Variants in WIPF1 observed in about 807,000 individuals in gnomAD.
WIPF1 encodes the protein WAS/WASL-interacting protein family member 1.
In WIPF1, 13 loss-of-function variants were observed where a neutral mutation model predicts 35.4. The observed-to-expected ratio is 0.37, with a 90% CI of 0.24 to 0.58. The LOEUF is 0.58. Among genes scored for constraint, WIPF1 ranks in the 20% least tolerant of loss-of-function variants. The pLI, the probability that WIPF1 is intolerant of heterozygous loss-of-function variation, is 0.74. For missense variants in WIPF1, 591 were observed against 667.0 expected, an observed-to-expected ratio of 0.89 and a Z score of 1.25; for synonymous variants, 267 against 266.3, an observed-to-expected ratio of 1.00 and a Z score of -0.02.
chr2:174,637,094 G>A (rs551826726), intron 1 of WIPF1, among the ~76,000 whole-genome samples: 164 of 152,228 alleles, frequency 1.1e-3, no homozygotes, highest in African/African-American at 3.7e-3. Flanking sequence ...ATTTATACCA[G>A]TATGGCTGAA....
chr2:174,582,658 A>G (rs1272377366), intron 2 of WIPF1, among the ~76,000 whole-genome samples: 1 of 152,180 alleles, frequency 6.6e-6, no homozygotes, highest in Non-Finnish European at 1.5e-5. Context: ...CTTGGGCTCA[A>G]GTGATCCTCC....
rs140082102 is a variant in WIPF1, at chr2:174,571,626, A to C, written c.1129+50T>G. On this transcript the variant is annotated intron_variant, in intron 5 of 7. Coordinates refer to ENST00000679041, the MANE Select transcript of WIPF1 (RefSeq NM_001375834.1). This position sits in a 1 kb window ranked among gnomAD's most constrained non-coding sequence, Gnocchi z 4.6. ...TCTTGACTGACAGGATTATTGGTAC[A>C]TTTGGGCAGGCTGGGTTTTGGAAGC... is the stretch of plus-strand genomic sequence containing the variant. 2 of 1,612,388 alleles carry C rather than the reference A, an allele frequency of 1.2e-6. No homozygotes were observed. The highest frequency in any genetic ancestry group is 2.7e-5 in the African/African-American group (2 of 74,980).
intron 1 of WIPF1, among the ~76,000 whole-genome samples, chr2:174,652,843 A>G (rs1687563401): frequency 6.6e-6 from 1 of 151,786 alleles, no homozygotes; most frequent in East Asian, 1.9e-4. Context: ...CTGGCCTTTG[A>G]ACCATAGCTT....
intron 1 of WIPF1, among the ~76,000 whole-genome samples, chr2:174,615,835 C>G (rs1427467387): frequency 6.6e-6 from 1 of 152,128 alleles, no homozygotes; most frequent in Non-Finnish European, 1.5e-5. Flanking sequence ...AACAGGGGAG[C>G]CAATGCTTGG....
intron 1 of WIPF1, among the ~76,000 whole-genome samples, chr2:174,650,219 T>C (rs943098942): frequency 1.3e-5 from 2 of 152,136 alleles, no homozygotes; most frequent in Non-Finnish European, 2.9e-5. Context: ...CTAGAAATCC[T>C]CCTCTACATG....
intron 3 of WIPF1, among the ~76,000 whole-genome samples, chr2:174,575,638 A>G (rs1275902213): frequency 6.6e-6 from 1 of 152,226 alleles, no homozygotes; most frequent in South Asian, 2.1e-4. Flanking sequence ...TGGCTGCCAC[A>G]TGGGTCAGTA....
intron 1 of WIPF1, among the ~76,000 whole-genome samples, chr2:174,613,345 A>AATTTT (rs1686409663): frequency 6.6e-6 from 1 of 152,172 alleles, no homozygotes; most frequent in Non-Finnish European, 1.5e-5. Context: ...TCTAGTTTAG[A>AATTTT]ATTTTTTTAT....
At chr2:174,607,189 G>A (rs1422068935) in intron 1 of WIPF1, among the ~76,000 whole-genome samples, 1 of 152,094 alleles carries the variant, frequency 6.6e-6, no homozygotes. Context: ...GGATCACGAG[G>A]GCAGGAGATC....
At chr2:174,614,296 C>T (rs1009623687) in intron 1 of WIPF1, among the ~76,000 whole-genome samples, 1 of 152,182 alleles carries the variant, frequency 6.6e-6, no homozygotes, top group African/African-American at 2.4e-5. Flanking sequence ...GAACAGGACT[C>T]CTCTTCATTT....
chr2:174,668,325 C>T (rs1398561242), intron 1 of WIPF1, among the ~76,000 whole-genome samples: 3 of 152,152 alleles, frequency 2.0e-5, no homozygotes, highest in East Asian at 1.9e-4. Context: ...TCTTTACCTG[C>T]GAAACGCAAG....
At chr2:174,610,573 C>G (rs981093985) in intron 1 of WIPF1, among the ~76,000 whole-genome samples, 7 of 152,242 alleles carry the variant, frequency 4.6e-5, no homozygotes, top group Admixed American at 6.5e-5. Flanking sequence ...AATGGTCTCT[C>G]CCTGCCTCAC....
At chr2:174,677,820 G>A (rs1311194585) in intron 1 of WIPF1, among the ~76,000 whole-genome samples, 1 of 152,180 alleles carries the variant, frequency 6.6e-6, no homozygotes, top group African/African-American at 2.4e-5. Flanking sequence ...AAAGGAAAGT[G>A]CAGTTTAGCT....
Position 174,575,397 on chromosome 2 carries a change from ACCCGACAGACTATG to A in WIPF1, c.182-31_182-18del, listed in dbSNP as rs764892694. On this transcript the variant is annotated intron_variant, in intron 3 of 7. Transcript: ENST00000679041. ...CTTTAGGTTCTGTAGAAGAAGAGAC[ACCCGACAGACTATG>A]CCCCCTGGTCTGGCCCAGGTAAACC... The A allele has an allele frequency of 1.9e-6, 3 of 1,593,568 alleles. No individual in the cohort carries two copies. In the African/African-American group the frequency reaches 4.0e-5, roughly 21 times the overall value.
Position 174,571,869 on chromosome 2 carries a change from A to T in WIPF1, c.936T>A (p.Pro312=), listed in dbSNP as rs1040586347. Residue 312 remains proline, a synonymous_variant, in exon 5 of 8, where the codon CCT becomes CCA. Coordinates refer to ENST00000679041, the MANE Select transcript of WIPF1 (RefSeq NM_001375834.1). The surrounding 1 kb of genome is among the most constrained non-coding windows in gnomAD (Gnocchi z 4.6). ...GAGGAGGCGGCCCGGGCCTGCTGGG[A>T]GGTGGCGGCGGAGGTGGGGCCTGTG... ...ASSQAPPPPP[P]PSRPGPPPLP... 11 of 1,611,568 alleles carry T rather than the reference A, an allele frequency of 6.8e-6. No individual in the cohort carries two copies. The highest frequency in any genetic ancestry group is 3.3e-5 in the Admixed American group (2 of 59,830).
At position 174,572,342 on chromosome 2, in the gene WIPF1, G is replaced by A; in HGVS notation, c.463C>T (p.Pro155Ser). 1 of 1,614,156 alleles carries A rather than the reference G, an allele frequency of 6.2e-7. No homozygotes were observed. Among genetic ancestry groups the A allele is most frequent in the Non-Finnish European group, 8.5e-7 (1 of 1,180,018 alleles). The change falls in exon 5 of 8, where the codon CCA (proline) becomes TCA (serine). Residue 155 changes from proline (P) to serine (S), a missense_variant. Pro to Ser is a moderately conservative substitution (Grantham distance 74, BLOSUM62 -1). This residue lies in a region of WIPF1 where 471 missense variants were observed against 501.1 expected (regional missense o/e 0.94). Coordinates refer to ENST00000679041, the MANE Select transcript of WIPF1 (RefSeq NM_001375834.1). The part of the protein sequence containing the change: ...SGPGRFPVPS[P>S]GHRSGPPEPQ... ...TCTGGGGGACCACTTCTGTGGCCTG[G>A]AGAAGGCACAGGAAACCTCCCTGGG... is the stretch of plus-strand genomic sequence containing the variant.
Position 174,575,394 on chromosome 2 carries a change from G to A in WIPF1, c.182-14C>T, listed in dbSNP as rs2105815988. 2 of 1,597,566 alleles carry A rather than the reference G, an allele frequency of 1.3e-6. No individual in the cohort carries two copies. Among genetic ancestry groups the A allele is most frequent in the African/African-American group, 2.7e-5 (2 of 74,664 alleles). On this transcript the variant is annotated splice_polypyrimidine_tract_variant and intron_variant, in intron 3 of 7. Transcript: ENST00000679041. ...CTCCTTTAGGTTCTGTAGAAGAAGA[G>A]ACACCCGACAGACTATGCCCCCTGG...
At chr2:174,672,648 C>T (rs539092848) in intron 1 of WIPF1, among the ~76,000 whole-genome samples, 7 of 152,284 alleles carry the variant, frequency 4.6e-5, no homozygotes, top group South Asian at 4.1e-4. Flanking sequence ...CAAGTTACAA[C>T]GTTGATTGCA....
At chr2:174,589,913 C>T (rs4972698) in intron 1 of WIPF1, among the ~76,000 whole-genome samples, 76,036 of 151,946 alleles carry the variant, frequency 0.5, 19,745 homozygotes, top group East Asian at 0.87. Context: ...TGCATTTAAA[C>T]GTAGACACAA....
intron 1 of WIPF1, among the ~76,000 whole-genome samples, chr2:174,627,641 G>A (rs1288967583): frequency 6.6e-6 from 1 of 151,450 alleles, no homozygotes; most frequent in Non-Finnish European, 1.5e-5. Flanking sequence ...TGACCTGCTG[G>A]GCTCAAGTGA....
Sources: allele counts gnomAD v4.1 joint callset (sites outside exome capture counted in the v4.1 genomes callset), GRCh38; gene constraint gnomAD v4.1.1; regional missense constraint gnomAD v4.1.1; non-coding constraint Gnocchi (gnomAD v3.1); transcripts MANE v1.5; gene names NCBI Gene and HGNC (gene_info 2026-07-23, HGNC 2026-07-21).